The following PPP6R2 variants were observed in gnomAD, a reference collection of about 807,000 sequenced individuals.
The protein encoded by PPP6R2 is serine/threonine-protein phosphatase 6 regulatory subunit 2.
Under a neutral mutation model 100.2 loss-of-function variants are expected in PPP6R2, and 62 were observed. The ratio of observed to expected loss-of-function variants is 0.62; its 90% CI spans 0.50 to 0.76. The LOEUF is 0.76. PPP6R2 is among the 30% of genes least tolerant of loss of function. PPP6R2 has a pLI of 0.00. For synonymous variants in PPP6R2, 525 were observed against 514.7 expected (o/e 1.02, Z -0.27); for missense variants, 1,142 against 1,276.3 (o/e 0.89, Z 1.60).
chr22:50,438,310 G>A lies in PPP6R2; in HGVS notation c.1964+12G>A, dbSNP rs1429273553. The A allele has an allele frequency of 3.1e-6, 5 of 1,607,362 alleles. No homozygotes were observed. In the East Asian group the frequency reaches 1.1e-4, roughly 36 times the overall value. ...ATGGCCAGACCCAGGTGCGGGGCCTGCCCATCCCCACAAAGCCTCTGCCGA... is the reference window on the plus strand; with the variant it reads ...ATGGCCAGACCCAGGTGCGGGGCCTACCCATCCCCACAAAGCCTCTGCCGA... On this transcript the variant is annotated intron_variant, in intron 18 of 23. Transcript: ENST00000612753.
chr22:50,353,733 A>G (rs956884603), intron 1 of PPP6R2, among the ~76,000 whole-genome samples: 4 of 152,000 alleles, frequency 2.6e-5, no homozygotes, highest in African/African-American at 9.7e-5. Context: ...TTTCCATTTC[A>G]CAGATGAGGA....
chr22:50,431,047 C>G lies in PPP6R2; in HGVS notation c.1126-126C>G. 1.3e-6 allele frequency: 1 copy of G among 750,602 alleles called. No homozygotes were observed. The highest frequency in any genetic ancestry group is 2.2e-6 in the Non-Finnish European group (1 of 448,068). The allele number at this position is 750,602 out of a possible 1,614,324, so 46.5% of individuals were successfully genotyped here. ...GAAAACGCTTAAAACTCCTTCCTAG[C>G]TACCCAGAGACTGGACTTGTGAGGA... On this transcript the variant is annotated intron_variant, in intron 10 of 23. Transcript: ENST00000612753. The surrounding 1 kb of genome is among the most constrained non-coding windows in gnomAD (Gnocchi z 4.8).
chr22:50,369,671 A>G lies in PPP6R2; in HGVS notation c.-147-2349A>G, dbSNP rs1330239293. ...TGGGATTAGAGGCGTACGCCCGGCT[A>G]ATTTTTTGTGTTTTTAGTAGAGGCA... On this transcript the variant is annotated intron_variant, in intron 1 of 23. Coordinates refer to ENST00000612753, the MANE Select transcript of PPP6R2 (RefSeq NM_001242898.2). Among the ~76,000 whole-genome samples, 4 of 151,860 alleles carry G rather than the reference A, an allele frequency of 2.6e-5. No homozygotes were observed. The South Asian group carries it at 6.2e-4, about 24-fold the overall frequency.
chr22:50,354,971 G>C (rs2046147361), intron 1 of PPP6R2, among the ~76,000 whole-genome samples: 1 of 150,020 alleles, frequency 6.7e-6, no homozygotes, highest in South Asian at 2.2e-4. Flanking sequence ...AGGCTCCTGA[G>C]TAGCTGAGAC....
Position 50,418,417 on chromosome 22 carries a change from G to A in PPP6R2, c.619-450G>A, listed in dbSNP as rs753351330. ...CTTTTTTTTTTTGAGATGGAGTCTC[G>A]CTCTGTCACCCAGGCTGGAGTGCAG... On this transcript the variant is annotated intron_variant, in intron 6 of 23. Coordinates refer to ENST00000612753, the MANE Select transcript of PPP6R2 (RefSeq NM_001242898.2). 2.7e-5 allele frequency among the ~76,000 whole-genome samples: 4 copies of A among 150,754 alleles called. No individual in the cohort carries two copies. In the South Asian group the frequency reaches 6.3e-4, roughly 24 times the overall value.
the PPP6R2 span, among the ~76,000 whole-genome samples, chr22:50,338,205 CGGG>C: frequency 3.9e-5 from 3 of 77,458 alleles, no homozygotes; most frequent in African/African-American, 5.3e-5. Context: ...TAGTGTGTGT[CGGG>C]GGTGTGTGTG....
chr22:50,440,392 G>C (rs1035463213), intron 21 of PPP6R2, among the ~76,000 whole-genome samples: 1 of 152,248 alleles, frequency 6.6e-6, no homozygotes, highest in African/African-American at 2.4e-5. Flanking sequence ...TCTGTGGCCT[G>C]ATCAGAGCCC....
At position 50,423,838 on chromosome 22, in the gene PPP6R2, G is replaced by A. The variant is rs573541126; in HGVS notation, c.1125+224G>A. Among the ~76,000 whole-genome samples, 47 of 152,210 alleles carry A rather than the reference G, an allele frequency of 3.1e-4. No homozygotes were observed. The highest frequency in any genetic ancestry group is 5.7e-4 in the Non-Finnish European group (39 of 68,036). On this transcript the variant is annotated intron_variant, in intron 10 of 23. Coordinates refer to ENST00000612753, the MANE Select transcript of PPP6R2 (RefSeq NM_001242898.2). This position sits in a 1 kb window ranked among gnomAD's most constrained non-coding sequence, Gnocchi z 4.8. ...GCTCATGGGAAGTGACGAGTCTACC[G>A]TAGAATTGCCCTGAAAGCAGAAGGC...
chr22:50,391,893 C>T (rs944268761), intron 2 of PPP6R2: 57 of 146,664 alleles, frequency 3.9e-4, no homozygotes, highest in African/African-American at 1.3e-3. Flanking sequence ...TGGCTAGAAA[C>T]AGGACCGTCC....
At chr22:50,397,895 T>TG (rs1556033393) in intron 3 of PPP6R2, among the ~76,000 whole-genome samples, 1 of 98,086 alleles carries the variant, frequency 1.0e-5, no homozygotes, top group African/African-American at 4.4e-5. Flanking sequence ...TGACTTGGGA[T>TG]GGGGGCGGGG....
chr22:50,444,751 A>G lies in PPP6R2; in HGVS notation c.*504A>G. 1 of 168,742 alleles carries G rather than the reference A, an allele frequency of 5.9e-6. No homozygotes were observed. The highest frequency in any genetic ancestry group is 1.5e-4 in the South Asian group (1 of 6,760). The allele number at this position is 168,742 out of a possible 1,614,324, so 10.5% of individuals were successfully genotyped here. A position where few individuals can be genotyped will look rare whatever the true frequency, so the allele number is the denominator to read the frequency against. Reference sequence around the variant, plus strand: ...AAAAACCTGACTCACAGGAATGCATAATTGACCCTTGCAGCTACCCAATAG... The same window carrying G: ...AAAAACCTGACTCACAGGAATGCATGATTGACCCTTGCAGCTACCCAATAG... On this transcript the variant is annotated 3_prime_UTR_variant, in exon 24 of 24. Transcript: ENST00000612753.
chr22:50,425,492 G>C (rs2061966361), intron 10 of PPP6R2, among the ~76,000 whole-genome samples: 2 of 152,166 alleles, frequency 1.3e-5, no homozygotes, highest in Admixed American at 6.5e-5. Flanking sequence ...CTTACTTTCA[G>C]TTCTTCTGAA....
At chr22:50,422,013 T>C (rs1318854352) in intron 8 of PPP6R2, among the ~76,000 whole-genome samples, 1 of 152,190 alleles carries the variant, frequency 6.6e-6, no homozygotes, top group East Asian at 1.9e-4. Flanking sequence ...TCACTTGCCC[T>C]GCCTCCATAT....
intron 2 of PPP6R2, among the ~76,000 whole-genome samples, chr22:50,374,375 C>T (rs557578745): frequency 6.6e-6 from 1 of 152,124 alleles, no homozygotes; most frequent in East Asian, 1.9e-4. Context: ...ATGGATTAAA[C>T]AGATTAAACA....
intron 3 of PPP6R2, among the ~76,000 whole-genome samples, chr22:50,406,065 G>GAAAAGCCGGAAGAC (rs1491381705): frequency 2.8e-5 from 4 of 143,440 alleles, no homozygotes; most frequent in Non-Finnish European, 3.0e-5. Flanking sequence ...CTGGAGAGAG[G>GAAAAGCCGGAAGAC]TGAGAGGCCT....
At chr22:50,436,490 G>T in intron 14 of PPP6R2, 38 bp downstream of exon 14, 1 of 1,549,992 alleles carries the variant, frequency 6.5e-7, no homozygotes, top group Non-Finnish European at 8.7e-7. Flanking sequence ...GTGCACGCAC[G>T]GTGCTGGGAC....
chr22:50,444,074 G>T lies in PPP6R2; in HGVS notation c.2788G>T (p.Ala930Ser). 6.2e-7 allele frequency: 1 copy of T among 1,612,770 alleles called. No individual in the cohort carries two copies. The highest frequency in any genetic ancestry group is 8.5e-7 in the Non-Finnish European group (1 of 1,179,372). The change falls in exon 23 of 24, where the codon GCC becomes TCC. Residue 930 changes from alanine (A) to serine (S), a missense_variant. Physicochemically the swap from Ala to Ser is moderately conservative, Grantham distance 99. Transcript: ENST00000612753. The stretch of plus-strand genomic sequence containing the variant: ...AGGGCCCATCATGGCAGTCACAGCA[G>T]CCCCAGCCATGGTGGCCACCCTGGG... ...PLGPIMAVTA[A>S]PAMVATLGTV...
upstream of PPP6R2, among the ~76,000 whole-genome samples, chr22:50,339,159 ATGTGGTG>A (rs1330365037): frequency 1.2e-5 from 1 of 80,192 alleles, no homozygotes; most frequent in Non-Finnish European, 2.5e-5. Flanking sequence ...TGTGTGTGGT[ATGTGGTG>A]TGTGTGGTGT....
chr22:50,361,529 G>C (rs2047793753), intron 1 of PPP6R2, among the ~76,000 whole-genome samples: 1 of 151,990 alleles, frequency 6.6e-6, no homozygotes, highest in South Asian at 2.1e-4. Context: ...CGTCTTGTTT[G>C]GACTTGAGCT....
Sources: gnomAD v4.1 joint callset for allele counts (sites outside exome capture counted in the v4.1 genomes callset) on GRCh38, gnomAD v4.1.1 for gene constraint, Gnocchi (gnomAD v3.1) non-coding constraint, MANE v1.5 for transcripts, NCBI Gene and HGNC (gene_info 2026-07-23, HGNC 2026-07-21) for gene names.